UNC13C: variants seen among roughly 807,000 people sequenced by gnomAD.
The protein encoded by UNC13C is protein unc-13 homolog C.
In UNC13C, 174 loss-of-function variants were observed where a neutral mutation model predicts 245.4. The observed-to-expected ratio is 0.71, with a 90% CI of 0.63 to 0.80. The LOEUF is 0.80. UNC13C is among the 30% of genes least tolerant of loss of function. The probability of loss-of-function intolerance (pLI) is 0.00; values close to 1 mark genes in which losing one functional copy is unlikely to be tolerated. For synonymous variants in UNC13C, 992 were observed against 895.1 expected (o/e 1.11, Z -1.93); for missense variants, 2,829 against 2,602.9 (o/e 1.09, Z -1.89).
At chr15:54,332,161 A>G (rs763173734) in intron 15 of UNC13C, 50 bp downstream of exon 15, 4 of 1,305,538 alleles carry the variant, frequency 3.1e-6, no homozygotes, top group Non-Finnish European at 4.2e-6. Flanking sequence ...TGGTCTAGAG[A>G]ATTTCTTGCC....
intron 2 of UNC13C, among the ~76,000 whole-genome samples, chr15:54,034,601 A>G (rs1017994274): frequency 2.0e-5 from 3 of 152,186 alleles, no homozygotes; most frequent in African/African-American, 7.2e-5. Flanking sequence ...TTAAGAATAC[A>G]ATGATGTGAA....
intron 28 of UNC13C, among the ~76,000 whole-genome samples, chr15:54,554,784 T>C (rs933632603): frequency 1.3e-5 from 2 of 152,048 alleles, no homozygotes; most frequent in Admixed American, 1.3e-4. Context: ...TTTTCTGCCA[T>C]CATTTCCCTA....
At chr15:54,558,592 TC>T (rs1897179016) in intron 29 of UNC13C, among the ~76,000 whole-genome samples, 1 of 152,072 alleles carries the variant, frequency 6.6e-6, no homozygotes, top group African/African-American at 2.4e-5. Context: ...TATTAACTTT[TC>T]TAAATATTAA....
the UNC13C span, among the ~76,000 whole-genome samples, chr15:53,904,497 C>A: frequency 3.3e-5 from 5 of 151,894 alleles, no homozygotes; most frequent in East Asian, 1.9e-4. Flanking sequence ...ATGAAAAAAA[C>A]CATTGTTTTA....
chr15:54,581,077 G>T (rs1898178762), intron 30 of UNC13C, among the ~76,000 whole-genome samples: 1 of 152,140 alleles, frequency 6.6e-6, no homozygotes, highest in South Asian at 2.1e-4. Flanking sequence ...AATCATCCAG[G>T]GTAGTTTATG....
At chr15:54,101,463 T>G (rs1348407693) in intron 2 of UNC13C, among the ~76,000 whole-genome samples, 1 of 152,196 alleles carries the variant, frequency 6.6e-6, no homozygotes, top group Admixed American at 6.5e-5. Context: ...AAGAACCTAG[T>G]TTTTTACTAA....
At chr15:54,417,756 A>G (rs75323221) in intron 19 of UNC13C, among the ~76,000 whole-genome samples, 4,625 of 152,316 alleles carry the variant, frequency 0.03, 187 homozygotes, top group Admixed American at 0.12. Flanking sequence ...AGCCTGGCAT[A>G]TAGTAGTTGC....
chr15:54,526,636 C>T (rs1478822595), intron 25 of UNC13C, among the ~76,000 whole-genome samples: 1 of 149,618 alleles, frequency 6.7e-6, no homozygotes, highest in African/African-American at 2.5e-5. Flanking sequence ...CCCAGTTACT[C>T]AGGAGGCTGA....
chr15:54,559,173 A>G (rs1244073731), intron 29 of UNC13C, among the ~76,000 whole-genome samples: 1 of 152,052 alleles, frequency 6.6e-6, no homozygotes, highest in Admixed American at 6.6e-5. Flanking sequence ...ATTTCTTGGT[A>G]TAAGGAAAGG....
intron 30 of UNC13C, among the ~76,000 whole-genome samples, chr15:54,600,017 A>G (rs1158287847): frequency 6.6e-6 from 1 of 152,050 alleles, no homozygotes; most frequent in Non-Finnish European, 1.5e-5. Flanking sequence ...TTAGGAAGAA[A>G]TTTCCTAGGT....
chr15:54,396,529 T>G (rs751765258), intron 18 of UNC13C, among the ~76,000 whole-genome samples: 3 of 151,676 alleles, frequency 2.0e-5, no homozygotes, highest in Non-Finnish European at 4.4e-5. Flanking sequence ...ATTCATCTGT[T>G]AAAATTTGTA....
At chr15:54,373,714 T>C (rs890345754) in intron 17 of UNC13C, among the ~76,000 whole-genome samples, 2 of 152,202 alleles carry the variant, frequency 1.3e-5, no homozygotes, top group African/African-American at 4.8e-5. Context: ...TCTTCTCTTT[T>C]CCTCTCTTCT....
At chr15:54,199,172 G>A (rs1236244219) in intron 4 of UNC13C, among the ~76,000 whole-genome samples, 2 of 151,920 alleles carry the variant, frequency 1.3e-5, no homozygotes, top group East Asian at 1.9e-4. Flanking sequence ...AATGAACAAA[G>A]CTTCCAAGAA....
intron 2 of UNC13C, among the ~76,000 whole-genome samples, chr15:54,114,657 T>C (rs1360507175): frequency 6.6e-6 from 1 of 152,194 alleles, no homozygotes; most frequent in East Asian, 1.9e-4. Context: ...TAAACATATT[T>C]CTACATATAA....
intron 30 of UNC13C, among the ~76,000 whole-genome samples, chr15:54,605,276 A>G (rs12708436): frequency 0.67 from 101,743 of 152,054 alleles, 34,084 homozygotes; most frequent in Middle Eastern, 0.71. Flanking sequence ...CCACAGTGCC[A>G]TGTAGAATCA....
At chr15:54,188,006 T>C (rs1410564883) in intron 4 of UNC13C, among the ~76,000 whole-genome samples, 2 of 152,054 alleles carry the variant, frequency 1.3e-5, no homozygotes, top group Admixed American at 6.6e-5. Context: ...TTTGTAGAGA[T>C]GGAGTTTCAT....
the UNC13C span, among the ~76,000 whole-genome samples, chr15:53,844,871 G>A: frequency 6.6e-6 from 1 of 152,126 alleles, no homozygotes; most frequent in Admixed American, 6.5e-5. Flanking sequence ...CATGCTAGAG[G>A]TTGGACAAGG....
intron 4 of UNC13C, among the ~76,000 whole-genome samples, chr15:54,195,301 A>T (rs553210771): frequency 6.6e-6 from 1 of 152,324 alleles, no homozygotes; most frequent in East Asian, 1.9e-4. Flanking sequence ...GGCAGATAAA[A>T]TGTATGCTGA....
intron 8 of UNC13C, among the ~76,000 whole-genome samples, chr15:54,251,218 T>C (rs1330205204): frequency 1.3e-5 from 2 of 152,210 alleles, no homozygotes; most frequent in Non-Finnish European, 2.9e-5. Context: ...AGGATCCATG[T>C]CCTTCTACAG....
Sources: gnomAD v4.1 joint callset for allele counts (sites outside exome capture counted in the v4.1 genomes callset) on GRCh38, gnomAD v4.1.1 for gene constraint, MANE v1.5 for transcripts, NCBI Gene and HGNC (gene_info 2026-07-23, HGNC 2026-07-21) for gene names.